Variants in KLHDC10 observed in about 807,000 individuals in gnomAD.
The protein encoded by KLHDC10 is kelch domain-containing protein 10.
KLHDC10 carries 24 observed loss-of-function variants against 56.1 expected under a neutral mutation model. The ratio of observed to expected loss-of-function variants is 0.43; its 90% CI spans 0.31 to 0.60. The LOEUF is 0.60. KLHDC10 is among the 20% of genes least tolerant of loss of function. KLHDC10 has a pLI of 0.11. For synonymous variants in KLHDC10, 188 were observed against 207.1 expected (o/e 0.91, Z 0.79); for missense variants, 349 against 567.0 (o/e 0.62, Z 3.91).
In KLHDC10 at chr7:130,078,071, C is replaced by CT. The variant is rs1329483574; in HGVS notation, c.166+7271dup. 1.9e-4 allele frequency among the ~76,000 whole-genome samples: 27 copies of CT among 145,286 alleles called. No homozygotes were observed. The South Asian group carries it at 4.0e-3, about 22-fold the overall frequency. ...TATCTTCTCCTTTTCATTTTTTTTT[C>CT]TTTTTTTTTAAATAGGCCTGGCGTG... is the stretch of plus-strand genomic sequence containing the variant. On this transcript the variant is annotated intron_variant, in intron 1 of 9. Coordinates refer to ENST00000335420, the MANE Select transcript of KLHDC10 (RefSeq NM_014997.4).
Position 130,116,781 on chromosome 7 carries a change from G to A in KLHDC10, c.475+115G>A. 1.2e-6 allele frequency: 1 copy of A among 861,320 alleles called. No homozygotes were observed. The highest frequency in any genetic ancestry group is 1.7e-5 in the African/African-American group (1 of 59,804). 53.4% of individuals were successfully genotyped at this position (861,320 alleles called of 1,614,324 possible). ...CACTATAATGTGATTTCGCCCTGTG[G>A]GTGGATAGGCTTTTTACTAGGGTAA... On this transcript the variant is annotated intron_variant, in intron 3 of 9. Coordinates refer to ENST00000335420, the MANE Select transcript of KLHDC10 (RefSeq NM_014997.4). This position sits in a 1 kb window ranked among gnomAD's most constrained non-coding sequence, Gnocchi z 4.8.
intron 1 of KLHDC10, among the ~76,000 whole-genome samples, chr7:130,074,351 G>T (rs1795466950): frequency 6.6e-6 from 1 of 152,018 alleles, no homozygotes; most frequent in Non-Finnish European, 1.5e-5. Context: ...AACACTCATA[G>T]CATCATGTGG....
chr7:130,080,994 G>GT (rs1795596369), intron 1 of KLHDC10, among the ~76,000 whole-genome samples: 1 of 139,336 alleles, frequency 7.2e-6, no homozygotes, highest in African/African-American at 2.8e-5. Flanking sequence ...GTTTCTTTCA[G>GT]TTTTCTTTTT....
chr7:130,104,087 CA>C (rs951248526), intron 2 of KLHDC10, among the ~76,000 whole-genome samples: 22 of 148,472 alleles, frequency 1.5e-4, no homozygotes, highest in African/African-American at 4.7e-4. Context: ...GACTCCATCT[CA>C]AAAAAAAAAT....
intron 1 of KLHDC10, 87 bp downstream of exon 1, chr7:130,070,896 G>A: frequency 9.6e-7 from 1 of 1,042,066 alleles, no homozygotes; most frequent in Non-Finnish European, 1.3e-6. Flanking sequence ...CTTTTCCTTG[G>A]GAGGAGGAAA....
intron 9 of KLHDC10, among the ~76,000 whole-genome samples, chr7:130,129,841 G>A (rs966301257): frequency 8.5e-5 from 13 of 152,130 alleles, no homozygotes; most frequent in African/African-American, 2.7e-4. Flanking sequence ...GGTGTTTCCT[G>A]GGAGGGCGGA....
intron 2 of KLHDC10, among the ~76,000 whole-genome samples, chr7:130,110,273 G>A (rs1352609705): frequency 6.6e-6 from 1 of 152,160 alleles, no homozygotes; most frequent in Non-Finnish European, 1.5e-5. Flanking sequence ...CTGTCCATGG[G>A]ACTTTTTATA....
chr7:130,130,839 G>T lies in KLHDC10; in HGVS notation c.*93G>T. On this transcript the variant is annotated 3_prime_UTR_variant, in exon 10 of 10. Transcript: ENST00000335420. This position sits in a 1 kb window ranked among gnomAD's most constrained non-coding sequence, Gnocchi z 4.2. ...GTAGAATGTGCTACAAAGAGGATTG[G>T]TTACCCTGATCAAGGCCTTATTTAG... 7.9e-7 allele frequency: 1 copy of T among 1,271,972 alleles called. No homozygotes were observed. Among genetic ancestry groups the T allele is most frequent in the Non-Finnish European group, 1.1e-6 (1 of 884,918 alleles). The allele number at this position is 1,271,972 out of a possible 1,614,324, so 78.8% of individuals were successfully genotyped here.
chr7:130,114,239 T>A (rs186346585), intron 2 of KLHDC10, among the ~76,000 whole-genome samples: 2 of 152,306 alleles, frequency 1.3e-5, no homozygotes, highest in East Asian at 3.9e-4. Context: ...AAAAACAAAC[T>A]GACAAAATGC....
chr7:130,100,228 C>G (rs1172454549), intron 2 of KLHDC10, among the ~76,000 whole-genome samples: 2 of 152,094 alleles, frequency 1.3e-5, no homozygotes, highest in African/African-American at 2.4e-5. Context: ...CCAATAATAG[C>G]ATTAATAGCA....
chr7:130,076,150 C>T (rs977877983), intron 1 of KLHDC10, among the ~76,000 whole-genome samples: 2 of 152,058 alleles, frequency 1.3e-5, no homozygotes, highest in Non-Finnish European at 2.9e-5. Context: ...CCCTTGCATG[C>T]ACAGTTCACC....
intron 2 of KLHDC10, among the ~76,000 whole-genome samples, chr7:130,103,240 A>G (rs1324512608): frequency 1.3e-5 from 2 of 152,122 alleles, no homozygotes; most frequent in African/African-American, 4.8e-5. Flanking sequence ...CCTGGCCAAT[A>G]TGGTGAAACC....
chr7:130,093,313 T>G (rs1795805244), intron 1 of KLHDC10, among the ~76,000 whole-genome samples: 1 of 144,086 alleles, frequency 6.9e-6, no homozygotes, highest in South Asian at 2.1e-4. Context: ...CAAGCAGTTC[T>G]CCTGCCCTCA....
intron 4 of KLHDC10, among the ~76,000 whole-genome samples, chr7:130,121,700 T>C (rs1796250004): frequency 6.6e-6 from 1 of 152,254 alleles, no homozygotes; most frequent in Non-Finnish European, 1.5e-5. Flanking sequence ...TCATATCTGC[T>C]GCTTCTTGAG....
At position 130,133,388 on chromosome 7, in the gene KLHDC10, T is replaced by C. The variant is rs75263429; in HGVS notation, c.*2642T>C. The C allele has an allele frequency of 6.6e-6, 1 of 152,186 alleles. No homozygotes were observed. Among genetic ancestry groups the C allele is most frequent in the African/African-American group, 2.4e-5 (1 of 41,434 alleles). The allele number at this position is 152,186 out of a possible 1,614,324, so 9.4% of individuals were successfully genotyped here. A position where few individuals can be genotyped will look rare whatever the true frequency, so the allele number is the denominator to read the frequency against. On this transcript the variant is annotated 3_prime_UTR_variant, in exon 10 of 10. Transcript: ENST00000335420. Reference sequence around the variant, plus strand: ...GTCCTGTAAATTTAAGTGCAATATATAGAAACATATGGATATATACAGATT... The same window carrying C: ...GTCCTGTAAATTTAAGTGCAATATACAGAAACATATGGATATATACAGATT...
At chr7:130,102,522 T>A (rs1048245110) in intron 2 of KLHDC10, among the ~76,000 whole-genome samples, 10 of 151,996 alleles carry the variant, frequency 6.6e-5, no homozygotes, top group African/African-American at 2.4e-4. Flanking sequence ...ATCCATAAAT[T>A]TAAAAAAACA....
intron 2 of KLHDC10, among the ~76,000 whole-genome samples, chr7:130,112,526 T>G (rs950278791): frequency 6.6e-6 from 1 of 152,220 alleles, no homozygotes; most frequent in African/African-American, 2.4e-5. Context: ...AAATGGGATT[T>G]GCAGATGGAG....
At chr7:130,122,265 GT>G (rs2116911713) in intron 5 of KLHDC10, 63 bp downstream of exon 5, 1 of 1,505,732 alleles carries the variant, frequency 6.6e-7, no homozygotes, top group Non-Finnish European at 9.0e-7. Flanking sequence ...CTTTCAGAGT[GT>G]TGGCAATATG....
rs1554468234 is a variant in KLHDC10, at chr7:130,128,917, T to TAC, written c.980-519_980-518insCA. On this transcript the variant is annotated intron_variant, in intron 8 of 9. Transcript: ENST00000335420. ...ATATATATATATATATATATATATA[T>TAC]ATACATACTAGCCAAAACTTAAAAA... is the stretch of plus-strand genomic sequence containing the variant. Among the ~76,000 whole-genome samples, 11 of 124,798 alleles carry TAC rather than the reference T, an allele frequency of 8.8e-5. 1 individual carries two copies. Among genetic ancestry groups the TAC allele is most frequent in the Middle Eastern group, 3.9e-3 (1 of 258 alleles). 81.9% of individuals were successfully genotyped at this position (124,798 alleles called of 152,430 possible).
Sources: allele counts gnomAD v4.1 joint callset (sites outside exome capture counted in the v4.1 genomes callset), GRCh38; gene constraint gnomAD v4.1.1; non-coding constraint Gnocchi (gnomAD v3.1); transcripts MANE v1.5; gene names NCBI Gene and HGNC (gene_info 2026-07-23, HGNC 2026-07-21).